Variants in PEPD observed in about 807,000 individuals in gnomAD.
The protein encoded by PEPD is peptidase D.
A neutral mutation model predicts 60.7 loss-of-function variants in PEPD; 53 were observed. The observed-to-expected ratio is 0.87, with a 90% confidence interval of 0.70 to 1.10. The LOEUF (loss-of-function observed/expected upper bound fraction) is 1.10, where lower values mean the gene tolerates loss of function less well. PEPD is among the 50% of genes least tolerant of loss of function. PEPD has a pLI of 0.00. For synonymous variants in PEPD, 267 were observed against 284.1 expected, an observed-to-expected ratio of 0.94 and a Z score of 0.60; for missense variants, 711 against 711.9, an observed-to-expected ratio of 1.00 and a Z score of 0.01.
At chr19:33,448,064 G>A (rs1207703365) in intron 9 of PEPD, among the ~76,000 whole-genome samples, 1 of 152,178 alleles carries the variant, frequency 6.6e-6, no homozygotes, top group Non-Finnish European at 1.5e-5. Flanking sequence ...AGCCCTTCCT[G>A]GATGAAACCA....
intron 5 of PEPD, among the ~76,000 whole-genome samples, chr19:33,492,244 A>AC (rs1025306794): frequency 6.6e-6 from 1 of 150,888 alleles, no homozygotes; most frequent in Non-Finnish European, 1.5e-5. Flanking sequence ...CCCACCTCGC[A>AC]CCCCCCACCC....
At chr19:33,404,104 C>T (rs530214421) in intron 11 of PEPD, among the ~76,000 whole-genome samples, 14 of 152,312 alleles carry the variant, frequency 9.2e-5, no homozygotes, top group South Asian at 6.2e-4. Context: ...TAGGTCCTGG[C>T]GGCAGTGCTC....
At chr19:33,394,880 C>A (rs1353673518) in intron 12 of PEPD, among the ~76,000 whole-genome samples, 2 of 152,230 alleles carry the variant, frequency 1.3e-5, no homozygotes, top group East Asian at 3.9e-4. Context: ...TCCCGAAGCA[C>A]CCCTGCACCT....
At chr19:33,443,089 T>C (rs1969515272) in intron 9 of PEPD, among the ~76,000 whole-genome samples, 1 of 152,240 alleles carries the variant, frequency 6.6e-6, no homozygotes, top group Non-Finnish European at 1.5e-5. Context: ...TCCTCCCTGC[T>C]TTCTCCCCCA....
chr19:33,520,135 G>A (rs868537039), intron 1 of PEPD, among the ~76,000 whole-genome samples: 2 of 151,750 alleles, frequency 1.3e-5, no homozygotes, highest in East Asian at 1.9e-4. Flanking sequence ...ACTTGCTCCC[G>A]TCCAGACATC....
At chr19:33,481,835 C>T (rs962028515) in intron 6 of PEPD, among the ~76,000 whole-genome samples, 1 of 151,970 alleles carries the variant, frequency 6.6e-6, no homozygotes, top group African/African-American at 2.4e-5. Context: ...TCAAGACCAA[C>T]ATGGCAAAAC....
At chr19:33,421,655 TA>T (rs1483690230) in intron 9 of PEPD, among the ~76,000 whole-genome samples, 5 of 152,106 alleles carry the variant, frequency 3.3e-5, no homozygotes, top group African/African-American at 4.8e-5. Flanking sequence ...CATGCCCAGC[TA>T]ATTTTTTTTA....
chr19:33,393,077 A>AC (rs201050520), intron 12 of PEPD, among the ~76,000 whole-genome samples: 12,908 of 151,758 alleles, frequency 0.085, 584 homozygotes, highest in Middle Eastern at 0.14. Context: ...ACCTGCCCCC[A>AC]CCCCCCACAC....
chr19:33,505,725 ACACT>A (rs1341207089), intron 3 of PEPD, among the ~76,000 whole-genome samples: 1 of 151,360 alleles, frequency 6.6e-6, no homozygotes, highest in Non-Finnish European at 1.5e-5. Flanking sequence ...ACAACACGGC[ACACT>A]CACACCCACC....
intron 3 of PEPD, among the ~76,000 whole-genome samples, chr19:33,506,022 C>G (rs1008974199): frequency 6.8e-6 from 1 of 147,968 alleles, no homozygotes; most frequent in African/African-American, 2.5e-5. Context: ...TCATACCCTA[C>G]ACACTACACA....
intron 14 of PEPD, 160 bp downstream of exon 14, chr19:33,387,730 G>C (rs1968109499): frequency 2.6e-6 from 2 of 768,602 alleles, no homozygotes; most frequent in Non-Finnish European, 4.5e-6. Context: ...TCCTACTGAG[G>C]GGTGAGGCTC....
At chr19:33,479,666 G>A (rs1051392712) in intron 6 of PEPD, among the ~76,000 whole-genome samples, 14 of 152,210 alleles carry the variant, frequency 9.2e-5, no homozygotes, top group African/African-American at 3.4e-4. Context: ...GTGAGAACAT[G>A]TGGCATTTGG....
At chr19:33,452,497 T>C (rs1969716471) in intron 9 of PEPD, among the ~76,000 whole-genome samples, 1 of 151,902 alleles carries the variant, frequency 6.6e-6, no homozygotes. Flanking sequence ...GAAAAATAAA[T>C]TTAAGAGCTG....
At chr19:33,515,932 G>GGGAT (rs1202228808) in intron 1 of PEPD, among the ~76,000 whole-genome samples, 2 of 151,934 alleles carry the variant, frequency 1.3e-5, no homozygotes, top group African/African-American at 4.8e-5. Context: ...CACCCAGACT[G>GGGAT]GGATCCCAAG....
chr19:33,425,187 T>A (rs893103693), intron 9 of PEPD, among the ~76,000 whole-genome samples: 1 of 152,066 alleles, frequency 6.6e-6, no homozygotes, highest in African/African-American at 2.4e-5. Context: ...ATGACCAACA[T>A]AGTGAAACCC....
At chr19:33,474,683 C>CA (rs200501915) in intron 7 of PEPD, among the ~76,000 whole-genome samples, 29 of 150,456 alleles carry the variant, frequency 1.9e-4, no homozygotes, top group African/African-American at 6.3e-4. Context: ...GACTTCATCT[C>CA]AAAAAAAAAG....
intron 6 of PEPD, among the ~76,000 whole-genome samples, chr19:33,480,656 A>G (rs1201780508): frequency 6.6e-6 from 1 of 152,158 alleles, no homozygotes; most frequent in Non-Finnish European, 1.5e-5. Flanking sequence ...TTAGCAGAGC[A>G]TGGTGGTGAG....
chr19:33,503,295 C>G (rs1458466919), intron 3 of PEPD, among the ~76,000 whole-genome samples: 2 of 152,176 alleles, frequency 1.3e-5, no homozygotes, highest in African/African-American at 4.8e-5. Context: ...TCAGTGCAGC[C>G]CACAATGCCC....
intron 9 of PEPD, among the ~76,000 whole-genome samples, chr19:33,436,974 G>C (rs1969389929): frequency 6.6e-6 from 1 of 152,226 alleles, no homozygotes; most frequent in African/African-American, 2.4e-5. Context: ...GGGTTTGATG[G>C]AAGACTTCCT....
Sources: allele counts gnomAD v4.1 joint callset (sites outside exome capture counted in the v4.1 genomes callset), GRCh38; gene constraint gnomAD v4.1.1; transcripts MANE v1.5; gene names NCBI Gene and HGNC (gene_info 2026-07-23, HGNC 2026-07-21).